The following PLCG2 variants were observed in gnomAD, a reference collection of about 807,000 sequenced individuals.
PLCG2 encodes the protein 1-phosphatidylinositol 4,5-bisphosphate phosphodiesterase gamma-2.
In PLCG2, 69 loss-of-function variants were observed where a neutral mutation model predicts 175.6. The observed-to-expected ratio is 0.39, with a 90% CI of 0.32 to 0.48. PLCG2 has a LOEUF of 0.48. PLCG2 is among the 20% of genes least tolerant of loss of function. The probability of loss-of-function intolerance (pLI) is 0.91; values close to 1 mark genes in which losing one functional copy is unlikely to be tolerated. For missense variants in PLCG2, 1,798 were observed against 1,650.9 expected (o/e 1.09, Z -1.54); for synonymous variants, 827 against 624.0 (o/e 1.33, Z -4.85).
chr16:81,768,237 G>A (rs1006131881), intron 2 of PLCG2, among the ~76,000 whole-genome samples: 15 of 152,198 alleles, frequency 9.9e-5, no homozygotes, highest in Admixed American at 5.9e-4. Context: ...GGTCTTGTGT[G>A]TATCAATAAT....
chr16:81,808,176 A>G (rs917214439), intron 2 of PLCG2, among the ~76,000 whole-genome samples: 1 of 152,234 alleles, frequency 6.6e-6, no homozygotes, highest in Non-Finnish European at 1.5e-5. Context: ...TTGCTGGGCC[A>G]TGCAGTAACC....
chr16:81,890,896 C>G (rs1421340978), intron 10 of PLCG2, among the ~76,000 whole-genome samples: 1 of 152,222 alleles, frequency 6.6e-6, no homozygotes, highest in Admixed American at 6.5e-5. Flanking sequence ...GGTGCAGTGG[C>G]TCACGCCTGT....
intron 2 of PLCG2, among the ~76,000 whole-genome samples, chr16:81,853,076 A>T (rs1321896693): frequency 1.3e-5 from 2 of 152,198 alleles, no homozygotes; most frequent in Non-Finnish European, 2.9e-5. Context: ...CACGCCTGTA[A>T]TCCTAGCACT....
chr16:81,775,960 A>C (rs1159113028), upstream of PLCG2, among the ~76,000 whole-genome samples: 1 of 151,692 alleles, frequency 6.6e-6, no homozygotes, highest in Non-Finnish European at 1.5e-5. Context: ...AGACAGGCTG[A>C]GGTTCAAATC....
intron 1 of PLCG2, among the ~76,000 whole-genome samples, chr16:81,741,143 ACT>A (rs753243099): frequency 1.5e-4 from 23 of 152,016 alleles, no homozygotes; most frequent in Non-Finnish European, 2.6e-4. Context: ...ACACTGGCCC[ACT>A]CTCAGGGAGG....
rs201753773 is a variant in PLCG2, at chr16:81,789,849, C to CA, written c.193+3667_193+3668insA. 7.3e-3 allele frequency among the ~76,000 whole-genome samples: 1,100 copies of CA among 151,646 alleles called. 10 individuals are homozygous for CA. The highest frequency in any genetic ancestry group is 0.011 in the Non-Finnish European group (771 of 67,830). ...CTCCTTCCCTTCCCACCTTTGCCCC[C>CA]CCTCCATTGCCTCCCCTCTGTCATT... On this transcript the variant is annotated intron_variant, in intron 2 of 32. Coordinates refer to ENST00000564138, the MANE Select transcript of PLCG2 (RefSeq NM_002661.5).
intron 2 of PLCG2, among the ~76,000 whole-genome samples, chr16:81,762,462 G>A (rs139579680): frequency 7.4e-4 from 112 of 152,046 alleles, no homozygotes; most frequent in African/African-American, 2.3e-3. Context: ...CCAGGTACTC[G>A]GGAGGCTGAG....
chr16:81,846,345 G>A (rs951991165), intron 2 of PLCG2, among the ~76,000 whole-genome samples: 2 of 152,100 alleles, frequency 1.3e-5, no homozygotes, highest in Non-Finnish European at 2.9e-5. Flanking sequence ...TCCCTAAGTG[G>A]GACCACAGCC....
intron 2 of PLCG2, among the ~76,000 whole-genome samples, chr16:81,794,204 C>A (rs1173904584): frequency 1.3e-5 from 2 of 152,086 alleles, no homozygotes; most frequent in Non-Finnish European, 2.9e-5. Context: ...CTGTTGGGGA[C>A]AAGGGTGCCG....
Position 81,905,398 on chromosome 16 carries a change from C to T in PLCG2, c.1363-5C>T, listed in dbSNP as rs1288198913. On this transcript the variant is annotated splice_region_variant and splice_polypyrimidine_tract_variant and intron_variant, in intron 14 of 32. Transcript: ENST00000564138. ...AGACAGCCTATGTATATGTTTTCCC[C>T]TCAGCATAAGAAGCTGGGCCCCCGA... The T allele has an allele frequency of 1.2e-6, 2 of 1,610,156 alleles. No homozygotes were observed. The highest frequency in any genetic ancestry group is 8.5e-7 in the Non-Finnish European group (1 of 1,176,500).
intron 26 of PLCG2, 112 bp from the exon 27 acceptor site, chr16:81,936,057 G>C: frequency 1.3e-6 from 2 of 1,489,298 alleles, no homozygotes; most frequent in Non-Finnish European, 1.8e-6. Flanking sequence ...ATGTCAAAGA[G>C]GGAGATTCCT....
intron 2 of PLCG2, among the ~76,000 whole-genome samples, chr16:81,790,321 A>G (rs984647868): frequency 2.6e-5 from 4 of 152,228 alleles, no homozygotes; most frequent in African/African-American, 9.6e-5. Flanking sequence ...GGATGACGTG[A>G]TTGGATTTGC....
At chr16:81,773,464 C>T (rs1910326962) in intron 2 of PLCG2, among the ~76,000 whole-genome samples, 1 of 152,156 alleles carries the variant, frequency 6.6e-6, no homozygotes, top group African/African-American at 2.4e-5. Flanking sequence ...GTTGGAGACA[C>T]AGGGGGGTAA....
At chr16:81,928,366 T>G (rs543630617) in intron 23 of PLCG2, among the ~76,000 whole-genome samples, 192 bp from the exon 24 acceptor site, 21 of 152,194 alleles carry the variant, frequency 1.4e-4, no homozygotes, top group African/African-American at 5.1e-4. Context: ...CCTGGCACCC[T>G]CTCCCCGCCA....
In PLCG2 at chr16:81,884,049, C is replaced by G. The variant is rs569304169; in HGVS notation, c.765+708C>G. On this transcript the variant is annotated intron_variant, in intron 9 of 32. Coordinates refer to ENST00000564138, the MANE Select transcript of PLCG2 (RefSeq NM_002661.5). ...TTGCACAGGGCAGCCCCCCCTACCC[C>G]CCAGCGAAGAAGTATTCAGGGCCGG... Among the ~76,000 whole-genome samples the G allele has an allele frequency of 2.6e-5, 4 of 152,310 alleles. No homozygotes were observed. The South Asian group carries it at 6.2e-4, about 24-fold the overall frequency.
intron 3 of PLCG2, among the ~76,000 whole-genome samples, chr16:81,855,152 CA>C (rs1567500225): frequency 6.7e-6 from 1 of 149,066 alleles, no homozygotes; most frequent in East Asian, 2.0e-4. Flanking sequence ...AAGATTGCAT[CA>C]CTCCCCTACA....
chr16:81,909,188 G>A (rs936352728), intron 17 of PLCG2, among the ~76,000 whole-genome samples: 16 of 152,220 alleles, frequency 1.1e-4, no homozygotes, highest in African/African-American at 3.9e-4. Flanking sequence ...TTTTGAAGGA[G>A]ATGGGCAATG....
At chr16:81,927,588 A>G (rs943107595) in intron 23 of PLCG2, among the ~76,000 whole-genome samples, 3 of 152,108 alleles carry the variant, frequency 2.0e-5, no homozygotes, top group African/African-American at 7.2e-5. Flanking sequence ...CTTCCTGGTG[A>G]CTTTGCAAAC....
chr16:81,829,225 C>T (rs1905164522), intron 2 of PLCG2, among the ~76,000 whole-genome samples: 1 of 152,232 alleles, frequency 6.6e-6, no homozygotes, highest in Non-Finnish European at 1.5e-5. Flanking sequence ...TCTCCTGCCT[C>T]AGCCTCCTGA....
Sources: allele counts gnomAD v4.1 joint callset (sites outside exome capture counted in the v4.1 genomes callset), GRCh38; gene constraint gnomAD v4.1.1; transcripts MANE v1.5; gene names NCBI Gene and HGNC (gene_info 2026-07-23, HGNC 2026-07-21).